The following EHMT1 variants were observed in gnomAD, a reference collection of about 807,000 sequenced individuals.
EHMT1 encodes the protein euchromatic histone lysine methyltransferase 1, also known as histone-lysine N-methyltransferase EHMT1.
Under a neutral mutation model 147.2 loss-of-function variants are expected in EHMT1, and 15 were observed. The observed-to-expected ratio is 0.10, with a 90% CI of 0.07 to 0.16. The LOEUF is 0.16. Ranked by LOEUF, EHMT1 falls within the 10% of genes least tolerant of loss-of-function variation. The probability of loss-of-function intolerance (pLI) is 1.00; values close to 1 mark genes in which losing one functional copy is unlikely to be tolerated. For missense variants in EHMT1, 1,587 were observed against 1,772.4 expected (o/e 0.90, Z 1.88); for synonymous variants, 795 against 709.6 (o/e 1.12, Z -1.91).
At chr9:137,798,053 C>T (rs1332105835) in intron 16 of EHMT1, among the ~76,000 whole-genome samples, 1 of 152,188 alleles carries the variant, frequency 6.6e-6, no homozygotes, top group Non-Finnish European at 1.5e-5. Flanking sequence ...TTGGTCTCCT[C>T]AGGGAAACAG....
intron 9 of EHMT1, among the ~76,000 whole-genome samples, chr9:137,759,942 A>G (rs1949677688): frequency 6.6e-6 from 1 of 152,196 alleles, no homozygotes; most frequent in Non-Finnish European, 1.5e-5. Context: ...CAGGGGGTCC[A>G]GGCTTGAGCC....
chr9:137,798,499 C>G (rs777201938), intron 16 of EHMT1, among the ~76,000 whole-genome samples: 4 of 152,154 alleles, frequency 2.6e-5, no homozygotes, highest in Non-Finnish European at 5.9e-5. Flanking sequence ...GTGGGGTGGG[C>G]CTGGCGCTCT....
intron 10 of EHMT1, among the ~76,000 whole-genome samples, chr9:137,771,261 G>A (rs767390795): frequency 2.5e-4 from 37 of 145,964 alleles, no homozygotes; most frequent in South Asian, 2.4e-3. Context: ...GTGCAGTGGC[G>A]TAATCTCTGC....
Position 137,728,505 on chromosome 9 carries a change from A to C in EHMT1, c.799A>C (p.Met267Leu), listed in dbSNP as rs139268115. ...GTCGCTACCTCAGAACCAGTGCTAC[A>C]TGGCCACCACAAAATCACAGACAGG... Reference protein sequence around the residue: ...HQSLPQNQCYMATTKSQTACL... With the variant: ...HQSLPQNQCYLATTKSQTACL... The change falls in exon 4 of 27, where the codon ATG becomes CTG. Residue 267 changes from methionine (M) to leucine (L), a missense_variant. By Grantham distance (15) the Met-to-Leu change is conservative. This residue lies in a region of EHMT1 where 810 missense variants were observed against 673.0 expected (regional missense o/e 1.20). Coordinates refer to ENST00000460843, the MANE Select transcript of EHMT1 (RefSeq NM_024757.5). 2.5e-6 allele frequency: 4 copies of C among 1,614,140 alleles called. No homozygotes were observed. The highest frequency in any genetic ancestry group is 3.4e-6 in the Non-Finnish European group (4 of 1,180,020).
intron 25 of EHMT1, among the ~76,000 whole-genome samples, chr9:137,830,402 T>G (rs1956109308): frequency 6.6e-6 from 1 of 152,250 alleles, no homozygotes; most frequent in Admixed American, 6.5e-5. Flanking sequence ...CTTGACTCAC[T>G]TTTCAGAGGA....
Position 137,811,531 on chromosome 9 carries a change from C to T in EHMT1, c.2783C>T (p.Ala928Val). Reference sequence around the variant, plus strand: ...GACATAGCCGAGATCCTGCTGGCTGCCAAGTGCGACCTCCACGCCGTGAAC... The same window carrying T: ...GACATAGCCGAGATCCTGCTGGCTGTCAAGTGCGACCTCCACGCCGTGAAC... The part of the protein sequence containing the change: ...CVDIAEILLA[A>V]KCDLHAVNIH... The change falls in exon 19 of 27, where the codon GCC (alanine) becomes GTC (valine). Residue 928 changes from alanine (A) to valine (V), a missense_variant. Around this residue, in one of 7 missense-constraint regions of EHMT1, gnomAD observed 201 missense variants for 350.1 expected, o/e 0.57. Coordinates refer to ENST00000460843, the MANE Select transcript of EHMT1 (RefSeq NM_024757.5). The T allele has an allele frequency of 6.2e-7, 1 of 1,610,822 alleles. No homozygotes were observed.
At chr9:137,798,444 C>T (rs1395841566) in intron 16 of EHMT1, among the ~76,000 whole-genome samples, 1 of 152,138 alleles carries the variant, frequency 6.6e-6, no homozygotes, top group Non-Finnish European at 1.5e-5. Flanking sequence ...TGCCCAGCAG[C>T]AAAGGAAGCA....
chr9:137,638,506 A>G (rs1844249010), intron 1 of EHMT1: 3 of 152,074 alleles, frequency 2.0e-5, no homozygotes, highest in Non-Finnish European at 4.4e-5. Context: ...TGGCCTCCCA[A>G]AGTGTTGGGA....
intron 4 of EHMT1, among the ~76,000 whole-genome samples, chr9:137,735,083 T>G (rs1045692976): frequency 1.3e-5 from 2 of 152,260 alleles, no homozygotes; most frequent in African/African-American, 4.8e-5. Flanking sequence ...CTGTAAGATC[T>G]AAGAGACAAA....
intron 1 of EHMT1, among the ~76,000 whole-genome samples, chr9:137,668,171 G>A (rs1939897889): frequency 6.6e-6 from 1 of 152,186 alleles, no homozygotes; most frequent in Non-Finnish European, 1.5e-5. Flanking sequence ...AGAAGACAAG[G>A]AGTGCTGATG....
At chr9:137,668,330 C>T (rs560136695) in intron 1 of EHMT1, among the ~76,000 whole-genome samples, 1 of 151,770 alleles carries the variant, frequency 6.6e-6, no homozygotes, top group Non-Finnish European at 1.5e-5. Flanking sequence ...ACCCACCCAC[C>T]ACTCACCCAC....
intron 23 of EHMT1, 94 bp from the exon 24 acceptor site, chr9:137,817,345 A>C: frequency 1.4e-6 from 2 of 1,417,534 alleles, no homozygotes; most frequent in Non-Finnish European, 2.0e-6. Flanking sequence ...TTTCTTCCTC[A>C]TTTCAGTGAC....
At chr9:137,744,927 C>T (rs1213375981) in intron 6 of EHMT1, among the ~76,000 whole-genome samples, 8 of 152,248 alleles carry the variant, frequency 5.3e-5, no homozygotes, top group African/African-American at 7.2e-5. Flanking sequence ...CATACAGTTT[C>T]GGAGTTACAT....
intron 4 of EHMT1, among the ~76,000 whole-genome samples, chr9:137,742,289 T>TTGTGTGTGTGTGTGTGTGTGTG (rs56080406): frequency 1.5e-5 from 2 of 135,070 alleles, no homozygotes; most frequent in Admixed American, 7.6e-5. Context: ...AGAACCAAAT[T>TTGTGTGTGTGTGTGTGTGTGTG]TGTGTGTGTG....
At chr9:137,799,689 C>T (rs528757483) in intron 17 of EHMT1, among the ~76,000 whole-genome samples, 12 of 152,228 alleles carry the variant, frequency 7.9e-5, no homozygotes, top group African/African-American at 1.7e-4. Flanking sequence ...AGGCTTGGTC[C>T]GAGTCTTTTT....
Position 137,762,717 on chromosome 9 carries a change from A to G in EHMT1, c.1544A>G (p.Gln515Arg), listed in dbSNP as rs2136356874. 3 of 1,614,266 alleles carry G rather than the reference A, an allele frequency of 1.9e-6. No individual in the cohort carries two copies. Among genetic ancestry groups the G allele is most frequent in the Non-Finnish European group, 2.5e-6 (3 of 1,180,034 alleles). The change falls in exon 10 of 27, where the codon CAG becomes CGG. Residue 515 changes from glutamine to arginine, a missense_variant. Physicochemically the swap from Gln to Arg is conservative, Grantham distance 43 (BLOSUM62 1). This residue lies in a region of EHMT1 where 810 missense variants were observed against 673.0 expected (regional missense o/e 1.20). Coordinates refer to ENST00000460843, the MANE Select transcript of EHMT1 (RefSeq NM_024757.5). The part of the protein sequence containing the change: ...GPDVLETDGL[Q>R]EVPLCSCRME... Reference sequence around the variant, plus strand: ...GATGTGCTGGAGACAGACGGCCTCCAGGAAGTGCCTCTCTGCAGCTGCCGG... The same window carrying G: ...GATGTGCTGGAGACAGACGGCCTCCGGGAAGTGCCTCTCTGCAGCTGCCGG...
At chr9:137,636,103 G>A (rs754863542) in intron 1 of EHMT1, among the ~76,000 whole-genome samples, 2 of 151,744 alleles carry the variant, frequency 1.3e-5, no homozygotes, top group Non-Finnish European at 2.9e-5. Context: ...TGTATTTTTA[G>A]TAGAGATGGG....
At chr9:137,714,534 G>A (rs181607448) in intron 2 of EHMT1, among the ~76,000 whole-genome samples, 43 of 150,248 alleles carry the variant, frequency 2.9e-4, no homozygotes, top group Non-Finnish European at 3.8e-4. Flanking sequence ...TGGGGGGTGC[G>A]GAGCTGGATT....
rs779771543 is a variant in EHMT1 at position 137,716,711 on chromosome 9, T to C, written c.171T>C (p.Ser57=). ...CTGCGGACGGTGAGACCAATGGGTC[T>C]TGTGAAAACAGCGATGCCAGCAGTC... ...HMAADGETNG[S]CENSDASSHA... is the part of the protein sequence containing the mutation. The change falls in exon 3 of 27, where the codon TCT becomes TCC. Residue 57 remains serine, a synonymous_variant. Coordinates refer to ENST00000460843, the MANE Select transcript of EHMT1 (RefSeq NM_024757.5). The C allele has an allele frequency of 2.5e-6, 4 of 1,611,572 alleles. No homozygotes were observed. Among genetic ancestry groups the C allele is most frequent in the Non-Finnish European group, 3.4e-6 (4 of 1,178,672 alleles).
Sources: gnomAD v4.1 joint callset for allele counts (sites outside exome capture counted in the v4.1 genomes callset) on GRCh38, gnomAD v4.1.1 for gene constraint, gnomAD v4.1.1 regional missense constraint, MANE v1.5 for transcripts, NCBI Gene and HGNC (gene_info 2026-07-23, HGNC 2026-07-21) for gene names.